Variants in BCAS1 observed in about 807,000 individuals in gnomAD.
BCAS1 encodes brain enriched myelin associated protein 1.
In BCAS1, 46 loss-of-function variants were observed where a neutral mutation model predicts 65.4. That is an observed-to-expected ratio of 0.70 (90% CI 0.55 to 0.90). BCAS1 has a LOEUF of 0.90. Ranked by LOEUF, BCAS1 falls within the 40% of genes least tolerant of loss-of-function variation. The pLI is 0.00. For synonymous variants in BCAS1, 298 were observed against 293.5 expected, an observed-to-expected ratio of 1.02 and a Z score of -0.16; for missense variants, 793 against 771.2, an observed-to-expected ratio of 1.03 and a Z score of -0.33.
Position 54,033,196 on chromosome 20 carries a change from TAGAA to T in BCAS1, c.143-4228_143-4225del, listed in dbSNP as rs535817902. 3.1e-3 allele frequency among the ~76,000 whole-genome samples: 468 copies of T among 151,058 alleles called. 7 individuals carry two copies. Among genetic ancestry groups the T allele is most frequent in the African/African-American group, 0.011 (442 of 41,398 alleles). On this transcript the variant is annotated intron_variant, in intron 3 of 12. Coordinates refer to ENST00000688948, the MANE Select transcript of BCAS1 (RefSeq NM_001366298.2). ...AGCACTAAATCCCACATCAAAAAGT[TAGAA>T]AGAGCTCACGTTAACAATCTAACCT...
At chr20:54,025,057 G>A (rs2091642175) in intron 4 of BCAS1, among the ~76,000 whole-genome samples, 1 of 152,040 alleles carries the variant, frequency 6.6e-6, no homozygotes. Flanking sequence ...CCTTGCACAA[G>A]GTTAGTGCGA....
At position 53,993,094 on chromosome 20, in the gene BCAS1, C is replaced by T. The variant is rs769178192; in HGVS notation, c.928-448G>A. On this transcript the variant is annotated intron_variant, in intron 6 of 12. Transcript: ENST00000688948. ...TGCTGAATGTCTTTTAGTCTCAAAT[C>T]GATCTCCTTTGATTCACTATTAGAA... is the stretch of plus-strand genomic sequence containing the variant. Among the ~76,000 whole-genome samples the T allele has an allele frequency of 2.3e-4, 35 of 152,286 alleles. 1 individual carries two copies. The highest frequency in any genetic ancestry group is 4.1e-4 in the South Asian group (2 of 4,826).
chr20:53,994,704 T>C (rs2090855987), intron 6 of BCAS1, among the ~76,000 whole-genome samples: 2 of 152,154 alleles, frequency 1.3e-5, no homozygotes, highest in South Asian at 2.1e-4. Context: ...AAGATGATGA[T>C]ATAATTATTA....
At chr20:54,036,531 C>G (rs1243240780) in intron 3 of BCAS1, among the ~76,000 whole-genome samples, 1 of 151,242 alleles carries the variant, frequency 6.6e-6, no homozygotes, top group Non-Finnish European at 1.5e-5. Flanking sequence ...CTGGCTTTGA[C>G]TCTTAACTGC....
chr20:53,962,960 C>T (rs1377722046), intron 10 of BCAS1, among the ~76,000 whole-genome samples: 1 of 152,010 alleles, frequency 6.6e-6, no homozygotes, highest in East Asian at 2.0e-4. Flanking sequence ...ACGCCATTCT[C>T]CTGCCTCAGC....
intron 1 of BCAS1, among the ~76,000 whole-genome samples, chr20:54,063,566 G>A (rs1232548269): frequency 1.3e-5 from 2 of 152,200 alleles, no homozygotes; most frequent in Non-Finnish European, 2.9e-5. Context: ...ATGCCCCAGT[G>A]ATTCTCATGA....
chr20:54,062,410 G>T (rs113910541), intron 1 of BCAS1, among the ~76,000 whole-genome samples: 5 of 152,190 alleles, frequency 3.3e-5, no homozygotes, highest in Admixed American at 6.5e-5. Context: ...ACTGAGGCAC[G>T]CAGGTTAAAT....
At chr20:54,061,565 G>A (rs1156724579) in intron 1 of BCAS1, among the ~76,000 whole-genome samples, 1 of 152,154 alleles carries the variant, frequency 6.6e-6, no homozygotes, top group Non-Finnish European at 1.5e-5. Flanking sequence ...CTCGCCATTG[G>A]TGTGAGTTTT....
At chr20:54,013,040 T>A (rs891080831) in intron 4 of BCAS1, among the ~76,000 whole-genome samples, 7 of 152,200 alleles carry the variant, frequency 4.6e-5, no homozygotes, top group African/African-American at 1.4e-4. Context: ...TTTGTAACCA[T>A]CAGCCATACA....
At chr20:53,949,222 A>C (rs6127030) in intron 12 of BCAS1, among the ~76,000 whole-genome samples, 26,884 of 115,104 alleles carry the variant, frequency 0.23, 3,059 homozygotes, top group East Asian at 0.43. Context: ...ACACACACAC[A>C]CCCAGGTTTT....
intron 12 of BCAS1, among the ~76,000 whole-genome samples, chr20:53,949,431 G>A (rs1336037920): frequency 1.3e-5 from 2 of 152,184 alleles, no homozygotes; most frequent in Non-Finnish European, 2.9e-5. Flanking sequence ...TAACGAGGAC[G>A]TCACTGTGAG....
intron 12 of BCAS1, among the ~76,000 whole-genome samples, chr20:53,946,913 G>C (rs942987886): frequency 2.0e-5 from 3 of 151,822 alleles, no homozygotes; most frequent in Non-Finnish European, 4.4e-5. Context: ...ATGTAATATA[G>C]TATATAGAGT....
intron 9 of BCAS1, among the ~76,000 whole-genome samples, chr20:53,969,979 A>G (rs1015343952): frequency 5.3e-5 from 8 of 152,224 alleles, no homozygotes; most frequent in African/African-American, 1.9e-4. Context: ...AAAGTTGGCA[A>G]CTTTGCCTAA....
intron 9 of BCAS1, among the ~76,000 whole-genome samples, chr20:53,971,103 C>A (rs6127038): frequency 2.6e-5 from 4 of 152,166 alleles, no homozygotes; most frequent in Admixed American, 1.3e-4. Flanking sequence ...TGACAGCATG[C>A]GGCAAATTGT....
chr20:53,968,368 C>T (rs774592384), intron 9 of BCAS1, among the ~76,000 whole-genome samples: 96 of 152,104 alleles, frequency 6.3e-4, no homozygotes, highest in Middle Eastern at 3.2e-3. Flanking sequence ...CTTCTTGGAG[C>T]CTTGTTCTTG....
chr20:54,007,496 G>A (rs2091225581), intron 4 of BCAS1, among the ~76,000 whole-genome samples: 1 of 152,172 alleles, frequency 6.6e-6, no homozygotes, highest in Non-Finnish European at 1.5e-5. Flanking sequence ...ACAGGAGCCC[G>A]CTGCCTTTCT....
At chr20:54,057,384 C>T (rs2238701) in intron 3 of BCAS1, among the ~76,000 whole-genome samples, 20,639 of 152,186 alleles carry the variant, frequency 0.14, 1,768 homozygotes, top group East Asian at 0.31. Context: ...TACTTTTATC[C>T]CCATTTTACA....
chr20:53,959,121 C>T (rs773442028), intron 10 of BCAS1, among the ~76,000 whole-genome samples: 8 of 152,100 alleles, frequency 5.3e-5, no homozygotes, highest in Admixed American at 1.3e-4. Flanking sequence ...AGACAGGGTC[C>T]CATTCTGTCA....
intron 7 of BCAS1, among the ~76,000 whole-genome samples, chr20:53,991,376 C>G (rs2090755859): frequency 6.6e-6 from 1 of 152,214 alleles, no homozygotes. Context: ...ACATAGTCTG[C>G]TTACGCAAAT....
Sources: allele counts gnomAD v4.1 joint callset (sites outside exome capture counted in the v4.1 genomes callset), GRCh38; gene constraint gnomAD v4.1.1; transcripts MANE v1.5; gene names NCBI Gene and HGNC (gene_info 2026-07-23, HGNC 2026-07-21).